SLC30A9: variants seen among roughly 807,000 people sequenced by gnomAD.
SLC30A9 encodes the protein solute carrier family 30 member 9.
SLC30A9 carries 58 observed loss-of-function variants against 87.5 expected under a neutral mutation model. The observed-to-expected ratio is 0.66, with a 90% CI of 0.54 to 0.82. The LOEUF is 0.82. SLC30A9 is among the 40% of genes least tolerant of loss of function. SLC30A9 has a pLI of 0.00. For synonymous variants in SLC30A9, 234 were observed against 233.0 expected, an observed-to-expected ratio of 1.00 and a Z score of -0.04; for missense variants, 557 against 679.1, an observed-to-expected ratio of 0.82 and a Z score of 2.00.
intron 2 of SLC30A9, among the ~76,000 whole-genome samples, chr4:42,010,330 A>T (rs1330675406): frequency 2.0e-5 from 3 of 152,108 alleles, no homozygotes; most frequent in Non-Finnish European, 4.4e-5. Flanking sequence ...TAAAAGAATT[A>T]TCCAGGTGTG....
At chr4:42,039,146 T>G in intron 8 of SLC30A9, 93 bp downstream of exon 8, 1 of 927,426 alleles carries the variant, frequency 1.1e-6, no homozygotes, top group Non-Finnish European at 1.7e-6. Flanking sequence ...GGTAGCTAGC[T>G]ATAGAGTTTG....
At chr4:42,047,509 C>G (rs1334430833) in intron 8 of SLC30A9, among the ~76,000 whole-genome samples, 1 of 152,160 alleles carries the variant, frequency 6.6e-6, no homozygotes, top group Non-Finnish European at 1.5e-5. Context: ...TAGAGAAATG[C>G]AAATCGAAAC....
At chr4:41,999,792 T>C (rs73810469) in intron 1 of SLC30A9, among the ~76,000 whole-genome samples, 7,339 of 152,222 alleles carry the variant, frequency 0.048, 249 homozygotes, top group African/African-American at 0.077. Flanking sequence ...GGAAAAAAAT[T>C]GTAACATTTG....
Position 42,060,187 on chromosome 4 carries a change from A to G in SLC30A9, c.841-4A>G, listed in dbSNP as rs1717786811. 2.5e-6 allele frequency: 4 copies of G among 1,609,134 alleles called. No homozygotes were observed. Among genetic ancestry groups the G allele is most frequent in the African/African-American group, 1.3e-5 (1 of 74,808 alleles). ...TATTCACCTTTTTTTCTTCTTCTTC[A>G]TAGGGTTTACTAGCATTGGGCATCA... is the stretch of plus-strand genomic sequence containing the variant. On this transcript the variant is annotated splice_polypyrimidine_tract_variant and splice_region_variant and intron_variant, in intron 9 of 17. Coordinates refer to ENST00000264451, the MANE Select transcript of SLC30A9 (RefSeq NM_006345.4).
intron 6 of SLC30A9, chr4:42,029,519 T>C (rs1273761350): frequency 1.2e-5 from 8 of 677,042 alleles, no homozygotes; most frequent in East Asian, 5.3e-5. Context: ...GAGGCATATG[T>C]GCTGAACGTA....
rs1178120346 is a variant in SLC30A9, at chr4:42,087,632, G to T, written c.*1506G>T. 1.3e-5 allele frequency: 2 copies of T among 148,472 alleles called. No individual in the cohort carries two copies. Among genetic ancestry groups the T allele is most frequent in the Admixed American group, 1.3e-4 (2 of 14,934 alleles). 9.2% of individuals were successfully genotyped at this position (148,472 alleles called of 1,614,324 possible). On this transcript the variant is annotated 3_prime_UTR_variant, in exon 18 of 18. Coordinates refer to ENST00000264451, the MANE Select transcript of SLC30A9 (RefSeq NM_006345.4). Reference sequence around the variant, plus strand: ...TTTACTATTACAGAGTATTTTGCATGCTGTACATTTTAAGTGAAATAACAT... The same window carrying T: ...TTTACTATTACAGAGTATTTTGCATTCTGTACATTTTAAGTGAAATAACAT...
At chr4:42,056,883 G>A (rs918727175) in intron 9 of SLC30A9, among the ~76,000 whole-genome samples, 1 of 152,128 alleles carries the variant, frequency 6.6e-6, no homozygotes, top group African/African-American at 2.4e-5. Flanking sequence ...TTGGGTAAAT[G>A]TCTCCAAAAG....
chr4:42,076,031 A>G (rs1718536836), intron 16 of SLC30A9, among the ~76,000 whole-genome samples: 1 of 152,154 alleles, frequency 6.6e-6, no homozygotes, highest in Non-Finnish European at 1.5e-5. Context: ...TACCCTCAAC[A>G]ACCCTGTTAT....
At chr4:42,037,856 C>T (rs1346376121) in intron 7 of SLC30A9, among the ~76,000 whole-genome samples, 4 of 151,986 alleles carry the variant, frequency 2.6e-5, no homozygotes, top group African/African-American at 4.8e-5. Flanking sequence ...CTGCAACCTC[C>T]GCCTCCCGGG....
chr4:42,081,672 T>G (rs1718744127), intron 17 of SLC30A9, among the ~76,000 whole-genome samples: 1 of 152,088 alleles, frequency 6.6e-6, no homozygotes, highest in Non-Finnish European at 1.5e-5. Context: ...AATAATGGAC[T>G]AAATATTTGC....
Position 42,067,305 on chromosome 4 carries a change from T to TGTTA in SLC30A9, c.1252+114_1252+117dup, listed in dbSNP as rs1425503485. The TGTTA allele has an allele frequency of 2.6e-5, 16 of 627,232 alleles. No homozygotes were observed. In the African/African-American group the frequency reaches 3.1e-4, roughly 12 times the overall value. The allele number at this position is 627,232 out of a possible 1,614,324, so 38.9% of individuals were successfully genotyped here. A position where few individuals can be genotyped will look rare whatever the true frequency, so the allele number is the denominator to read the frequency against. On this transcript the variant is annotated intron_variant, in intron 14 of 17. Coordinates refer to ENST00000264451, the MANE Select transcript of SLC30A9 (RefSeq NM_006345.4). ...AATATTAAACCAACAAATTGTTAAA[T>TGTTA]GTTAATTCCTACTAATCATTGACTT...
chr4:42,068,155 T>C (rs1026768632), intron 14 of SLC30A9, among the ~76,000 whole-genome samples: 2 of 152,216 alleles, frequency 1.3e-5, no homozygotes, highest in African/African-American at 2.4e-5. Context: ...GTAGCCCACA[T>C]TTATTTCAGT....
intron 9 of SLC30A9, among the ~76,000 whole-genome samples, chr4:42,051,889 G>A (rs889082440): frequency 1.3e-5 from 2 of 151,634 alleles, no homozygotes; most frequent in Admixed American, 1.3e-4. Context: ...AAAATTTTAC[G>A]AAGTCATTAT....
intron 7 of SLC30A9, among the ~76,000 whole-genome samples, chr4:42,037,523 A>C (rs1056985923): frequency 2.0e-5 from 3 of 151,854 alleles, no homozygotes; most frequent in Admixed American, 1.3e-4. Flanking sequence ...ATTTAACTCC[A>C]CAATAGTATC....
At chr4:42,035,499 CTT>C (rs374689755) in intron 7 of SLC30A9, among the ~76,000 whole-genome samples, 166 bp downstream of exon 7, 34 of 139,362 alleles carry the variant, frequency 2.4e-4, no homozygotes, top group Admixed American at 2.9e-4. Flanking sequence ...TCTGATTTTC[CTT>C]TTTTTTTTTT....
chr4:42,001,142 A>G (rs1323489463), intron 1 of SLC30A9, among the ~76,000 whole-genome samples: 1 of 152,102 alleles, frequency 6.6e-6, no homozygotes, highest in Non-Finnish European at 1.5e-5. Flanking sequence ...TGTTGATCTA[A>G]TTATCTGATT....
At chr4:41,991,821 C>T (rs1204434597) in intron 1 of SLC30A9, among the ~76,000 whole-genome samples, 1 of 152,000 alleles carries the variant, frequency 6.6e-6, no homozygotes, top group African/African-American at 2.4e-5. Context: ...TGCAGTCATT[C>T]GAGATTTTAT....
In SLC30A9 at chr4:42,056,493, A is replaced by C. The variant is rs550969504; in HGVS notation, c.841-3698A>C. ...TCAGATCTTGTGAGACTTATTCACT[A>C]TCACGAGAACAGCCGAGGAAAGACT... On this transcript the variant is annotated intron_variant, in intron 9 of 17. Transcript: ENST00000264451. Among the ~76,000 whole-genome samples the C allele has an allele frequency of 2.6e-5, 4 of 152,286 alleles. No individual in the cohort carries two copies. In the South Asian group the frequency reaches 8.3e-4, roughly 32 times the overall value.
At chr4:42,031,431 G>A (rs940695926) in intron 6 of SLC30A9, among the ~76,000 whole-genome samples, 1 of 152,222 alleles carries the variant, frequency 6.6e-6, no homozygotes, top group African/African-American at 2.4e-5. Context: ...TCAATTGGAA[G>A]TGATTAGTCG....
Sources: allele counts gnomAD v4.1 joint callset (sites outside exome capture counted in the v4.1 genomes callset), GRCh38; gene constraint gnomAD v4.1.1; transcripts MANE v1.5; gene names NCBI Gene and HGNC (gene_info 2026-07-23, HGNC 2026-07-21).